The following MAP3K4 variants were observed in gnomAD, a reference collection of about 807,000 sequenced individuals.
The protein encoded by MAP3K4 is mitogen-activated protein kinase kinase kinase 4, also known as MAP three kinase 1.
Under a neutral mutation model 185.6 loss-of-function variants are expected in MAP3K4, and 67 were observed. That is an observed-to-expected ratio of 0.36 (90% CI 0.30 to 0.44). The LOEUF (loss-of-function observed/expected upper bound fraction) is 0.44, where lower values mean the gene tolerates loss of function less well. Ranked by LOEUF, MAP3K4 falls within the 20% of genes least tolerant of loss-of-function variation. The pLI, the probability that MAP3K4 is intolerant of heterozygous loss-of-function variation, is 1.00. For synonymous variants in MAP3K4, 702 were observed against 710.4 expected (o/e 0.99, Z 0.19); for missense variants, 1,551 against 1,995.1 (o/e 0.78, Z 4.24).
Position 161,070,960 on chromosome 6 carries a change from A to G in MAP3K4, c.1950+110A>G, listed in dbSNP as rs976114233. The G allele has an allele frequency of 7.8e-6, 8 of 1,022,528 alleles. No individual in the cohort carries two copies. Among genetic ancestry groups the G allele is most frequent in the Non-Finnish European group, 9.6e-6 (7 of 728,686 alleles). The allele number at this position is 1,022,528 out of a possible 1,614,324, so 63.3% of individuals were successfully genotyped here. A position where few individuals can be genotyped will look rare whatever the true frequency, so the allele number is the denominator to read the frequency against. On this transcript the variant is annotated intron_variant, in intron 4 of 26. Coordinates refer to ENST00000392142, the MANE Select transcript of MAP3K4 (RefSeq NM_005922.4). This position sits in a 1 kb window ranked among gnomAD's most constrained non-coding sequence, Gnocchi z 4.5. ...TTTTTCTTAATTGTCGCAAATAGTG[A>G]AAAATGACTGTTTGTCCATGGTTTT... is the stretch of plus-strand genomic sequence containing the variant.
At chr6:161,036,118 T>C (rs1783154511) in intron 2 of MAP3K4, among the ~76,000 whole-genome samples, 1 of 152,242 alleles carries the variant, frequency 6.6e-6, no homozygotes, top group African/African-American at 2.4e-5. Flanking sequence ...GTTGAGGTTC[T>C]GTTGTCCTGC....
chr6:161,014,777 C>T (rs1276456353), intron 1 of MAP3K4, among the ~76,000 whole-genome samples: 1 of 152,140 alleles, frequency 6.6e-6, no homozygotes, highest in Non-Finnish European at 1.5e-5. Flanking sequence ...ATATGTCATC[C>T]ACCCATTTAA....
At chr6:161,046,064 T>C (rs1362648584) in intron 2 of MAP3K4, among the ~76,000 whole-genome samples, 1 of 152,188 alleles carries the variant, frequency 6.6e-6, no homozygotes. Flanking sequence ...TAGTTACCTA[T>C]AGATATTTCC....
chr6:161,039,356 A>T (rs369548565), intron 2 of MAP3K4, among the ~76,000 whole-genome samples: 7 of 151,160 alleles, frequency 4.6e-5, no homozygotes, highest in African/African-American at 1.5e-4. Context: ...TGAGGGGACT[A>T]TTTAGAGGAA....
chr6:161,093,125 T>C lies in MAP3K4; in HGVS notation c.3348+69T>C. On this transcript the variant is annotated intron_variant, in intron 14 of 26. Coordinates refer to ENST00000392142, the MANE Select transcript of MAP3K4 (RefSeq NM_005922.4). The surrounding 1 kb of genome is among the most constrained non-coding windows in gnomAD (Gnocchi z 5.2). ...TCACTCCTTATTTTCTGGTTGTATATGTTTTATATGTAATAGTGGTTTTTT... is the reference window on the plus strand; with the variant it reads ...TCACTCCTTATTTTCTGGTTGTATACGTTTTATATGTAATAGTGGTTTTTT... 2.0e-6 allele frequency: 2 copies of C among 1,021,194 alleles called. No individual in the cohort carries two copies. The highest frequency in any genetic ancestry group is 3.0e-6 in the Non-Finnish European group (2 of 664,224). 63.3% of individuals were successfully genotyped at this position (1,021,194 alleles called of 1,614,324 possible).
chr6:161,100,961 A>G lies in MAP3K4; in HGVS notation c.3675-931A>G, dbSNP rs1240774556. The G allele has an allele frequency of 1.3e-5, 2 of 152,172 alleles. No homozygotes were observed. Among genetic ancestry groups the G allele is most frequent in the African/African-American group, 4.8e-5 (2 of 41,432 alleles). The allele number at this position is 152,172 out of a possible 1,614,324, so 9.4% of individuals were successfully genotyped here. ...TTAGGGAAATACCAGAAAAAAATGC[A>G]TATTTTATAATTTGTAAATGTCTGT... On this transcript the variant is annotated intron_variant, in intron 17 of 26. Transcript: ENST00000392142. This position sits in a 1 kb window ranked among gnomAD's most constrained non-coding sequence, Gnocchi z 5.8.
rs1167426781 is a variant in MAP3K4 at position 161,100,705 on chromosome 6, G to A, written c.3675-1187G>A. Among the ~76,000 whole-genome samples the A allele has an allele frequency of 6.6e-6, 1 of 152,046 alleles. No homozygotes were observed. The highest frequency in any genetic ancestry group is 1.5e-5 in the Non-Finnish European group (1 of 68,018). ...TTTTACCCGTGCAAAAATCTCTTAA[G>A]GACATGGAATTGGCTAGTCTCACTT... On this transcript the variant is annotated intron_variant, in intron 17 of 26. Transcript: ENST00000392142. This position sits in a 1 kb window ranked among gnomAD's most constrained non-coding sequence, Gnocchi z 5.8.
intron 1 of MAP3K4, among the ~76,000 whole-genome samples, chr6:161,010,302 T>C (rs1039550017): frequency 1.4e-4 from 22 of 152,212 alleles, no homozygotes; most frequent in Non-Finnish European, 2.1e-4. Flanking sequence ...CCTCATAAAA[T>C]TGTATGCTTA....
intron 1 of MAP3K4, among the ~76,000 whole-genome samples, chr6:161,011,824 G>T (rs1414257208): frequency 6.6e-6 from 1 of 152,194 alleles, no homozygotes; most frequent in African/African-American, 2.4e-5. Context: ...GTAGCTCACT[G>T]CTGCAGTCCA....
rs75018071 is a variant in MAP3K4 at position 161,012,266 on chromosome 6, A to C, written c.152+20183A>C. ...ACATTCTGTGTTCTTTCTCAGCTCC[A>C]TTCCTTTGTATGGGTCGGTTCCTAT... On this transcript the variant is annotated intron_variant, in intron 1 of 26. Coordinates refer to ENST00000392142, the MANE Select transcript of MAP3K4 (RefSeq NM_005922.4). Among the ~76,000 whole-genome samples the C allele has an allele frequency of 3.4e-3, 517 of 152,226 alleles. 3 individuals are homozygous for C. The highest frequency in any genetic ancestry group is 0.012 in the African/African-American group (493 of 41,538).
chr6:161,057,305 A>G (rs1276316422), intron 3 of MAP3K4, among the ~76,000 whole-genome samples: 1 of 152,208 alleles, frequency 6.6e-6, no homozygotes, highest in Non-Finnish European at 1.5e-5. Context: ...GCTACCATTT[A>G]TTGACTCTCA....
chr6:161,024,736 C>T (rs1200583463), intron 1 of MAP3K4, among the ~76,000 whole-genome samples: 1 of 152,132 alleles, frequency 6.6e-6, no homozygotes, highest in Non-Finnish European at 1.5e-5. Flanking sequence ...CATGGCTTAC[C>T]ACTGATATGT....
intron 1 of MAP3K4, among the ~76,000 whole-genome samples, chr6:161,021,938 A>T (rs1782418313): frequency 6.6e-6 from 1 of 152,230 alleles, no homozygotes; most frequent in African/African-American, 2.4e-5. Flanking sequence ...AAAACAAAAA[A>T]AAACAAAAGT....
At chr6:161,081,380 T>C (rs1785449155) in intron 6 of MAP3K4, among the ~76,000 whole-genome samples, 3 of 152,034 alleles carry the variant, frequency 2.0e-5, no homozygotes, top group Non-Finnish European at 4.4e-5. Flanking sequence ...GCTTTGAACT[T>C]GAGAACTTCT....
chr6:161,073,424 T>G lies in MAP3K4; in HGVS notation c.1951-42T>G. On this transcript the variant is annotated intron_variant, in intron 4 of 26. Coordinates refer to ENST00000392142, the MANE Select transcript of MAP3K4 (RefSeq NM_005922.4). This position sits in a 1 kb window ranked among gnomAD's most constrained non-coding sequence, Gnocchi z 4.2. ...AGATATAAAACACGGATCGTCTGGT[T>G]GGAGTTTATGGCTGCTGGAACCTGT... 1 of 1,516,478 alleles carries G rather than the reference T, an allele frequency of 6.6e-7. No individual in the cohort carries two copies. Among genetic ancestry groups the G allele is most frequent in the Non-Finnish European group, 8.8e-7 (1 of 1,130,348 alleles). 93.9% of individuals were successfully genotyped at this position (1,516,478 alleles called of 1,614,324 possible).
In MAP3K4 at chr6:161,098,786, C is replaced by T. The variant is rs932091964; in HGVS notation, c.3674+359C>T. Among the ~76,000 whole-genome samples, 1 of 152,138 alleles carries T rather than the reference C, an allele frequency of 6.6e-6. No homozygotes were observed. Among genetic ancestry groups the T allele is most frequent in the African/African-American group, 2.4e-5 (1 of 41,420 alleles). On this transcript the variant is annotated intron_variant, in intron 17 of 26. Transcript: ENST00000392142. The surrounding 1 kb of genome is among the most constrained non-coding windows in gnomAD (Gnocchi z 4.4). Reference sequence around the variant, plus strand: ...GAGTCACAAGGTGGTTAAAAGATGGCATCTAGTTAATGATCTGATGTGGTA... The same window carrying T: ...GAGTCACAAGGTGGTTAAAAGATGGTATCTAGTTAATGATCTGATGTGGTA...
chr6:161,114,316 A>G lies in MAP3K4; in HGVS notation c.4627-807A>G, dbSNP rs1778498470. On this transcript the variant is annotated intron_variant, in intron 25 of 26. Transcript: ENST00000392142. This position sits in a 1 kb window ranked among gnomAD's most constrained non-coding sequence, Gnocchi z 4.3. ...TGAACTGCACATGGTAGCTTACCGT[A>G]CACATACAGTATTATAGCAAAAAAG... 6.6e-6 allele frequency among the ~76,000 whole-genome samples: 1 copy of G among 152,212 alleles called. No individual in the cohort carries two copies. Among genetic ancestry groups the G allele is most frequent in the Non-Finnish European group, 1.5e-5 (1 of 68,034 alleles).
In MAP3K4 at chr6:161,054,727, A is replaced by T. The variant is rs954517557; in HGVS notation, c.1707+4748A>T. On this transcript the variant is annotated intron_variant, in intron 3 of 26. Coordinates refer to ENST00000392142, the MANE Select transcript of MAP3K4 (RefSeq NM_005922.4). This position sits in a 1 kb window ranked among gnomAD's most constrained non-coding sequence, Gnocchi z 4.2. ...CCACTTGAATAGGCAGTTGTTTGGG[A>T]TCTTGAAAATACTTATCTATAGAAA... 6.6e-6 allele frequency among the ~76,000 whole-genome samples: 1 copy of T among 152,308 alleles called. No individual in the cohort carries two copies. The highest frequency in any genetic ancestry group is 1.9e-4 in the East Asian group (1 of 5,186).
At chr6:161,089,973 A>G (rs1266864660) in intron 11 of MAP3K4, among the ~76,000 whole-genome samples, 1 of 152,174 alleles carries the variant, frequency 6.6e-6, no homozygotes, top group African/African-American at 2.4e-5. Flanking sequence ...GTCTTTTTCC[A>G]TTATTTCCTG....
Sources: gnomAD v4.1 joint callset for allele counts (sites outside exome capture counted in the v4.1 genomes callset) on GRCh38, gnomAD v4.1.1 for gene constraint, Gnocchi (gnomAD v3.1) non-coding constraint, MANE v1.5 for transcripts, NCBI Gene and HGNC (gene_info 2026-07-23, HGNC 2026-07-21) for gene names.